CMPK1: variants seen among roughly 807,000 people sequenced by gnomAD.
The protein encoded by CMPK1 is cytidine/uridine monophosphate kinase 1.
A neutral mutation model predicts 25.7 loss-of-function variants in CMPK1; 10 were observed. The observed-to-expected ratio is 0.39, with a 90% CI of 0.24 to 0.66. The LOEUF is 0.66. CMPK1 is among the 30% of genes least tolerant of loss of function. CMPK1 has a pLI of 0.48. For synonymous variants in CMPK1, 106 were observed against 101.5 expected (o/e 1.04, Z -0.27); for missense variants, 199 against 280.5 (o/e 0.71, Z 2.08).
At chr1:47,345,053 A>ATTG (rs1306828008) in intron 1 of CMPK1, among the ~76,000 whole-genome samples, 1 of 151,768 alleles carries the variant, frequency 6.6e-6, no homozygotes, top group Non-Finnish European at 1.5e-5. Context: ...AGTAGCTGGG[A>ATTG]TTACAAGCGT....
chr1:47,372,815 T>C (rs76910864), intron 2 of CMPK1, 140 bp from the exon 3 acceptor site: 57 of 119,614 alleles, frequency 4.8e-4, no homozygotes, highest in Non-Finnish European at 5.8e-4. Flanking sequence ...TTTCTTTTCT[T>C]TTTTTTTTTT....
chr1:47,343,886 CAA>C (rs764742980), intron 1 of CMPK1, among the ~76,000 whole-genome samples: 7 of 107,844 alleles, frequency 6.5e-5, no homozygotes, highest in Non-Finnish European at 7.9e-5. Context: ...GACTCCGTCT[CAA>C]AAAAAAAAAA....
intron 1 of CMPK1, among the ~76,000 whole-genome samples, chr1:47,338,870 T>G (rs1646419369): frequency 6.6e-6 from 1 of 152,064 alleles, no homozygotes; most frequent in Non-Finnish European, 1.5e-5. Context: ...TTGGCCCAAA[T>G]GAAATTATGT....
At chr1:47,370,531 C>A (rs1256137323) in intron 2 of CMPK1, among the ~76,000 whole-genome samples, 1 of 150,840 alleles carries the variant, frequency 6.6e-6, no homozygotes. Context: ...ATCCCAGTTA[C>A]TTGGGAGGCT....
At chr1:47,340,646 A>T (rs571986165) in intron 1 of CMPK1, among the ~76,000 whole-genome samples, 1 of 148,388 alleles carries the variant, frequency 6.7e-6, no homozygotes, top group Admixed American at 6.8e-5. Flanking sequence ...TGGAATAATA[A>T]TTTTTTTTTT....
intron 1 of CMPK1, among the ~76,000 whole-genome samples, chr1:47,353,667 C>T (rs1646537676): frequency 6.6e-6 from 1 of 151,932 alleles, no homozygotes; most frequent in Non-Finnish European, 1.5e-5. Context: ...TTGCTGTGCT[C>T]TTAGGATTTG....
chr1:47,334,151 T>C, intron 1 of CMPK1, 35 bp downstream of exon 1: 1 of 1,446,338 alleles, frequency 6.9e-7, no homozygotes, highest in Middle Eastern at 2.5e-4. Flanking sequence ...TCCTTGGGGC[T>C]TGACGGGATG....
At chr1:47,341,442 C>T (rs1284252455) in intron 1 of CMPK1, among the ~76,000 whole-genome samples, 2 of 152,132 alleles carry the variant, frequency 1.3e-5, no homozygotes, top group Non-Finnish European at 2.9e-5. Context: ...TCTCTTGTCT[C>T]ACTGCAGCCT....
In CMPK1 at chr1:47,333,972, G is replaced by T. The variant is rs755335911; in HGVS notation, c.27G>T (p.Leu9=). MLSRCRSG[L]LHVLGLSFLL... ...TGCTGAGCCGCTGCCGCAGCGGGCT[G>T]CTCCACGTCCTGGGCCTTAGCTTCC... Residue 9 remains leucine (L), a synonymous_variant, in exon 1 of 6, where the codon CTG becomes CTT. Transcript: ENST00000371873. 5.0e-5 allele frequency: 75 copies of T among 1,509,022 alleles called. No individual in the cohort carries two copies. The highest frequency in any genetic ancestry group is 6.1e-5 in the Non-Finnish European group (69 of 1,123,994). 93.5% of individuals were successfully genotyped at this position (1,509,022 alleles called of 1,614,324 possible). A position where few individuals can be genotyped will look rare whatever the true frequency, so the allele number is the denominator to read the frequency against.
chr1:47,352,844 T>C (rs966759731), intron 1 of CMPK1, among the ~76,000 whole-genome samples: 1 of 152,218 alleles, frequency 6.6e-6, no homozygotes, highest in African/African-American at 2.4e-5. Flanking sequence ...CATGCTGGGC[T>C]GTGGTTTGAT....
At position 47,333,826 on chromosome 1, in the gene CMPK1, G is replaced by C. The variant is rs559876774; in HGVS notation, c.-120G>C. ...GGGCCGCGGACGCCCGGGCAGCCAC[G>C]GCGGCGGGGCCGCGGCGGGCGCCGG... On this transcript the variant is annotated 5_prime_UTR_variant, in exon 1 of 6. Transcript: ENST00000371873. 1 of 543,212 alleles carries C rather than the reference G, an allele frequency of 1.8e-6. No homozygotes were observed. Among genetic ancestry groups the C allele is most frequent in the Non-Finnish European group, 2.4e-6 (1 of 424,530 alleles). The allele number at this position is 543,212 out of a possible 1,614,324, so 33.6% of individuals were successfully genotyped here.
chr1:47,370,912 G>A lies in CMPK1; in HGVS notation c.319-2043G>A, dbSNP rs543734933. 8.6e-5 allele frequency among the ~76,000 whole-genome samples: 13 copies of A among 151,964 alleles called. No individual in the cohort carries two copies. The East Asian group carries it at 2.1e-3, about 25-fold the overall frequency. ...GCGGAGGTTGCAGTGAGCCAGGATC[G>A]CACCATTGTACTCCAGCCTGGGCAA... On this transcript the variant is annotated intron_variant, in intron 2 of 5. Transcript: ENST00000371873.
chr1:47,336,440 C>A (rs1646399571), intron 1 of CMPK1, among the ~76,000 whole-genome samples: 1 of 152,040 alleles, frequency 6.6e-6, no homozygotes. Flanking sequence ...TAGTTTTTTT[C>A]TCCACTTTAA....
chr1:47,348,626 A>G (rs1646501356), intron 1 of CMPK1, among the ~76,000 whole-genome samples: 2 of 152,204 alleles, frequency 1.3e-5, no homozygotes, highest in Admixed American at 1.3e-4. Context: ...AGTCTTCTCC[A>G]GAAGACCCAT....
chr1:47,357,709 A>G (rs1360597452), intron 1 of CMPK1, among the ~76,000 whole-genome samples: 1 of 151,542 alleles, frequency 6.6e-6, no homozygotes, highest in Non-Finnish European at 1.5e-5. Context: ...GATTTTCAAC[A>G]CCTAACCTCA....
intron 1 of CMPK1, among the ~76,000 whole-genome samples, chr1:47,342,649 C>CTTTTTTT (rs11334963): frequency 2.5e-4 from 29 of 116,422 alleles, no homozygotes; most frequent in East Asian, 7.2e-4. Flanking sequence ...TCTCTTTTTT[C>CTTTTTTT]TTTTTTTTTT....
intron 1 of CMPK1, among the ~76,000 whole-genome samples, chr1:47,357,394 C>G (rs1646568728): frequency 6.6e-6 from 1 of 151,998 alleles, no homozygotes; most frequent in Non-Finnish European, 1.5e-5. Context: ...TGAGGGCCTT[C>G]TCACTGTATC....
At chr1:47,340,452 T>G (rs1646433278) in intron 1 of CMPK1, among the ~76,000 whole-genome samples, 1 of 152,120 alleles carries the variant, frequency 6.6e-6, no homozygotes, top group African/African-American at 2.4e-5. Flanking sequence ...CTCAGATTTC[T>G]CATGTAACAC....
At position 47,349,534 on chromosome 1, in the gene CMPK1, T is replaced by G. The variant is rs185649824; in HGVS notation, c.171+15418T>G. On this transcript the variant is annotated intron_variant, in intron 1 of 5. Transcript: ENST00000371873. ...TCCAGTTACTATGAATATGTGTGCC[T>G]TCTTTGCTATTCTGTAGCGTACGAG... 6.7e-4 allele frequency among the ~76,000 whole-genome samples: 102 copies of G among 152,322 alleles called. 1 individual carries two copies. The East Asian group carries it at 0.012, about 18-fold the overall frequency.
Sources: gnomAD v4.1 joint callset for allele counts (sites outside exome capture counted in the v4.1 genomes callset) on GRCh38, gnomAD v4.1.1 for gene constraint, MANE v1.5 for transcripts, NCBI Gene and HGNC (gene_info 2026-07-23, HGNC 2026-07-21) for gene names.